Variants in ARHGAP20 observed in about 807,000 individuals in gnomAD.
The protein encoded by ARHGAP20 is rho GTPase-activating protein 20.
Under a neutral mutation model 73.7 loss-of-function variants are expected in ARHGAP20, and 34 were observed. That is an observed-to-expected ratio of 0.46 (90% CI 0.35 to 0.61). The LOEUF (loss-of-function observed/expected upper bound fraction) is 0.61. ARHGAP20 is among the 20% of genes least tolerant of loss of function. The pLI is 0.00. For missense variants in ARHGAP20, 1,314 were observed against 1,420.9 expected, an observed-to-expected ratio of 0.92 and a Z score of 1.21; for synonymous variants, 523 against 518.2, an observed-to-expected ratio of 1.01 and a Z score of -0.13.
At chr11:110,685,295 T>C (rs1404274869) in intron 2 of ARHGAP20, among the ~76,000 whole-genome samples, 1 of 152,114 alleles carries the variant, frequency 6.6e-6, no homozygotes, top group East Asian at 1.9e-4. Context: ...ACAAGGATGA[T>C]TACCACACAA....
At chr11:110,632,368 G>T (rs913605702) in intron 2 of ARHGAP20, among the ~76,000 whole-genome samples, 7 of 151,992 alleles carry the variant, frequency 4.6e-5, no homozygotes, top group African/African-American at 1.7e-4. Context: ...TTTGAATTTT[G>T]GCCAGTTTAG....
At chr11:110,613,277 T>C (rs1948409306) in intron 6 of ARHGAP20, among the ~76,000 whole-genome samples, 1 of 152,216 alleles carries the variant, frequency 6.6e-6, no homozygotes, top group Non-Finnish European at 1.5e-5. Context: ...CATAATTTAC[T>C]GACAAGGTGT....
intron 4 of ARHGAP20, among the ~76,000 whole-genome samples, chr11:110,619,266 T>C (rs1447067071): frequency 1.2e-5 from 1 of 85,228 alleles, no homozygotes; most frequent in Non-Finnish European, 2.4e-5. Context: ...TATGCAGTGA[T>C]AGAGTGTATG....
chr11:110,612,766 T>C (rs560649309), intron 6 of ARHGAP20, among the ~76,000 whole-genome samples: 18 of 152,316 alleles, frequency 1.2e-4, no homozygotes, highest in Non-Finnish European at 1.6e-4. Flanking sequence ...ATATGACAAA[T>C]TGCCTCTAAA....
intron 2 of ARHGAP20, among the ~76,000 whole-genome samples, chr11:110,657,958 G>C (rs1470653): frequency 0.27 from 40,902 of 149,426 alleles, 6,139 homozygotes; most frequent in African/African-American, 0.4. Flanking sequence ...AAGGAAGGAA[G>C]GAAGGAAGGA....
In ARHGAP20 at chr11:110,624,303, T is replaced by C. The variant is rs745456526; in HGVS notation, c.362A>G (p.Asn121Ser). 8.4e-6 allele frequency: 13 copies of C among 1,555,416 alleles called. No individual in the cohort carries two copies. Among genetic ancestry groups the C allele is most frequent in the Non-Finnish European group, 1.1e-5 (13 of 1,154,558 alleles). Residue 121 changes from asparagine (N) to serine (S), a missense_variant, in exon 4 of 15, where the codon AAT (asparagine) becomes AGT (serine). Around this residue, in one of 3 missense-constraint regions of ARHGAP20, gnomAD observed 443 missense variants for 466.4 expected, o/e 0.95. Coordinates refer to ENST00000683387, the MANE Select transcript of ARHGAP20 (RefSeq NM_001384657.1). The stretch of plus-strand genomic sequence containing the variant: ...AATTTTATTTTTTATCTTAAAGTTA[T>C]TGTTATATCTAGAAAGATAAAAACC... ...LFVVAKIKYN[N>S]NFKIKNKIKL...
chr11:110,674,007 C>T (rs1210297217), intron 2 of ARHGAP20, among the ~76,000 whole-genome samples: 1 of 151,434 alleles, frequency 6.6e-6, no homozygotes, highest in African/African-American at 2.4e-5. Flanking sequence ...GGCATGATCT[C>T]AGCTCACTGC....
chr11:110,707,869 T>G (rs1033850686), intron 1 of ARHGAP20, among the ~76,000 whole-genome samples: 9 of 151,714 alleles, frequency 5.9e-5, no homozygotes, highest in Non-Finnish European at 1.0e-4. Flanking sequence ...TTTTGTTTTT[T>G]TTTTTGTCTC....
intron 4 of ARHGAP20, among the ~76,000 whole-genome samples, chr11:110,623,153 A>G (rs530018551): frequency 2.2e-4 from 33 of 152,346 alleles, no homozygotes; most frequent in African/African-American, 7.9e-4. Context: ...GTGGTAGGCC[A>G]AATAGTGCAT....
At chr11:110,711,960 C>T (rs1411094417) in intron 1 of ARHGAP20, 167 bp downstream of exon 1, 3 of 1,251,646 alleles carry the variant, frequency 2.4e-6, no homozygotes, top group Non-Finnish European at 3.0e-6. Context: ...TGCCGCTGGC[C>T]GTCAAGGGCG....
At chr11:110,711,898 G>T in intron 1 of ARHGAP20, 4 of 1,279,846 alleles carry the variant, frequency 3.1e-6, no homozygotes, top group Non-Finnish European at 3.9e-6. Flanking sequence ...CTCGAGGAGA[G>T]ACTAAGGCTC....
At chr11:110,648,198 TATATATATGTAA>T (rs1246207072) in intron 2 of ARHGAP20, among the ~76,000 whole-genome samples, 1,014 of 86,520 alleles carry the variant, frequency 0.012, 27 homozygotes, top group African/African-American at 0.05. Flanking sequence ...TGTAAATATA[TATATATATGTAA>T]ATATATATAT....
intron 1 of ARHGAP20, among the ~76,000 whole-genome samples, chr11:110,694,187 T>A (rs1947321817): frequency 6.6e-6 from 1 of 151,898 alleles, no homozygotes; most frequent in Middle Eastern, 3.4e-3. Flanking sequence ...TACCTATCTA[T>A]CTCTCTGTCC....
At chr11:110,640,643 A>G (rs1031748290) in intron 2 of ARHGAP20, among the ~76,000 whole-genome samples, 1 of 151,988 alleles carries the variant, frequency 6.6e-6, no homozygotes, top group Admixed American at 6.6e-5. Flanking sequence ...GTACTATTAC[A>G]TTCTATCACC....
In ARHGAP20 at chr11:110,690,905, A is replaced by G. The variant is rs45494493; in HGVS notation, c.106-276T>C. The G allele has an allele frequency of 4.2e-3, 5,081 of 1,208,114 alleles. 21 individuals carry two copies. The highest frequency in any genetic ancestry group is 0.011 in the South Asian group (754 of 69,294). 74.8% of individuals were successfully genotyped at this position (1,208,114 alleles called of 1,614,324 possible). On this transcript the variant is annotated intron_variant, in intron 1 of 14. Coordinates refer to ENST00000683387, the MANE Select transcript of ARHGAP20 (RefSeq NM_001384657.1). ...GTTTACCAGAATATTTGGGAGAAAC[A>G]CCATCATAACCATTATTACTGGTTA...
At chr11:110,696,444 T>C (rs549911952) in intron 1 of ARHGAP20, among the ~76,000 whole-genome samples, 1 of 151,224 alleles carries the variant, frequency 6.6e-6, no homozygotes, top group East Asian at 1.9e-4. Flanking sequence ...ATCTGAAATA[T>C]GTGAAAAAGG....
At chr11:110,588,196 G>C (rs116473385) in intron 11 of ARHGAP20, among the ~76,000 whole-genome samples, 4 of 152,152 alleles carry the variant, frequency 2.6e-5, no homozygotes, top group African/African-American at 9.7e-5. Context: ...TGTGAGAGCC[G>C]ATTCTGCACT....
chr11:110,703,256 T>C (rs148602343), intron 1 of ARHGAP20, among the ~76,000 whole-genome samples: 109 of 152,270 alleles, frequency 7.2e-4, no homozygotes, highest in African/African-American at 2.3e-3. Context: ...GAAGAAAGAA[T>C]TGATTTTACT....
intron 3 of ARHGAP20, among the ~76,000 whole-genome samples, chr11:110,630,222 CCT>C (rs1460012554): frequency 6.6e-6 from 1 of 152,144 alleles, no homozygotes; most frequent in African/African-American, 2.4e-5. Flanking sequence ...GAATTTTTCC[CCT>C]GACTACACCT....
Sources: allele counts gnomAD v4.1 joint callset (sites outside exome capture counted in the v4.1 genomes callset), GRCh38; gene constraint gnomAD v4.1.1; regional missense constraint gnomAD v4.1.1; transcripts MANE v1.5; gene names NCBI Gene and HGNC (gene_info 2026-07-23, HGNC 2026-07-21).